PHF8: variants seen among roughly 807,000 people sequenced by gnomAD.
PHF8 encodes the protein PHD finger protein 8.
In PHF8, 9 loss-of-function variants were observed where a neutral mutation model predicts 74.4. That is an observed-to-expected ratio of 0.12 (90% CI 0.07 to 0.21). The LOEUF (loss-of-function observed/expected upper bound fraction) is 0.21. Among genes scored for constraint, PHF8 ranks in the 10% least tolerant of loss-of-function variants. The pLI, the probability that PHF8 is intolerant of heterozygous loss-of-function variation, is 1.00. For missense variants in PHF8, 478 were observed against 816.6 expected (o/e 0.59, Z 5.05); for synonymous variants, 311 against 316.6 (o/e 0.98, Z 0.19).
chrX:54,018,792 G>A, intron 4 of PHF8, among the ~76,000 whole-genome samples: 1 of 110,242 alleles, frequency 9.1e-6, no homozygotes, highest in Non-Finnish European at 1.9e-5. Flanking sequence ...AGCTAATTTT[G>A]TATTTTTAGT....
intron 19 of PHF8, among the ~76,000 whole-genome samples, chrX:53,950,965 C>A (rs782128663): frequency 1.1e-3 from 128 of 112,273 alleles, no homozygotes; most frequent in African/African-American, 3.9e-3. Context: ...GTTGGAGTTA[C>A]TAGACAAGGA....
At chrX:53,989,170 G>T (rs60222332) in intron 14 of PHF8, among the ~76,000 whole-genome samples, 16 of 109,898 alleles carry the variant, frequency 1.5e-4, no homozygotes, top group Admixed American at 1.1e-3. Flanking sequence ...CGTCATGTTG[G>T]CCAGGCTGGT....
intron 10 of PHF8, among the ~76,000 whole-genome samples, chrX:54,000,264 G>A (rs947812805): frequency 8.9e-6 from 1 of 112,204 alleles, no homozygotes; most frequent in Non-Finnish European, 1.9e-5. Context: ...GCAAGTGCTA[G>A]AGCCATGACT....
At chrX:54,005,058 GAA>G (rs782744414) in intron 8 of PHF8, among the ~76,000 whole-genome samples, 6 of 111,660 alleles carry the variant, frequency 5.4e-5, no homozygotes, top group African/African-American at 1.9e-4. Context: ...TGAACAAAGA[GAA>G]AAAAGACACA....
intron 19 of PHF8, among the ~76,000 whole-genome samples, chrX:53,951,493 C>T (rs190833953): frequency 9.7e-4 from 108 of 110,965 alleles, no homozygotes; most frequent in Non-Finnish European, 1.5e-3. Flanking sequence ...CTCCATTACC[C>T]AGGCTGGAGT....
At chrX:53,978,037 C>T (rs1480166538) in intron 18 of PHF8, among the ~76,000 whole-genome samples, 2 of 106,578 alleles carry the variant, frequency 1.9e-5, no homozygotes, top group Non-Finnish European at 3.9e-5. Context: ...CCTCCACCTC[C>T]CAGGTTGAAG....
At chrX:53,995,371 C>A (rs903414828) in intron 12 of PHF8, among the ~76,000 whole-genome samples, 9 of 112,189 alleles carry the variant, frequency 8.0e-5, no homozygotes, top group African/African-American at 2.9e-4. Flanking sequence ...TTATTTAATC[C>A]TTTTAACAAT....
intron 18 of PHF8, among the ~76,000 whole-genome samples, chrX:53,975,736 T>C (rs2065363474): frequency 9.0e-6 from 1 of 111,025 alleles, no homozygotes; most frequent in African/African-American, 3.3e-5. Context: ...AAGCGGGGGA[T>C]GAAAAATAGT....
rs782553359 is a variant in PHF8 at position 53,987,073 on chromosome X, C to A, written c.1995+5G>T. On this transcript the variant is annotated splice_donor_5th_base_variant and intron_variant, in intron 16 of 21. Coordinates refer to ENST00000338154, the MANE Select transcript of PHF8 (RefSeq NM_015107.3). ...CAGAAGACTAGATCCAGGGCAGAAT[C>A]CTACCTCAATGTCAAACTCAACTTC... 1.8e-6 allele frequency: 2 copies of A among 1,142,388 alleles called. No individual in the cohort carries two copies. Among genetic ancestry groups the A allele is most frequent in the Non-Finnish European group, 2.4e-6 (2 of 832,240 alleles). 94.1% of individuals were successfully genotyped at this position (1,142,388 alleles called of 1,213,427 possible). A position where few individuals can be genotyped will look rare whatever the true frequency, so the allele number is the denominator to read the frequency against.
chrX:54,028,678 T>C (rs1603341567), intron 2 of PHF8, among the ~76,000 whole-genome samples: 1 of 111,955 alleles, frequency 8.9e-6, no homozygotes. Flanking sequence ...TCCTTCTGTC[T>C]GTCACCTAAA....
intron 8 of PHF8, among the ~76,000 whole-genome samples, chrX:54,004,386 C>T (rs1038157656): frequency 1.8e-5 from 2 of 110,768 alleles, no homozygotes; most frequent in Non-Finnish European, 3.8e-5. Context: ...CCAATGAAAT[C>T]GTATCAATAA....
chrX:54,001,340 A>T (rs1453572967), intron 10 of PHF8, among the ~76,000 whole-genome samples: 4 of 104,183 alleles, frequency 3.8e-5, no homozygotes, highest in Admixed American at 1.0e-4. Context: ...AAAGAAAAAG[A>T]AAAAAAAAAA....
intron 14 of PHF8, among the ~76,000 whole-genome samples, chrX:53,992,421 C>G (rs1457795147): frequency 8.9e-6 from 1 of 111,760 alleles, no homozygotes; most frequent in Non-Finnish European, 1.9e-5. Context: ...ATAGAAAAAA[C>G]TAATGCTTTT....
intron 2 of PHF8, among the ~76,000 whole-genome samples, chrX:54,039,257 T>C (rs1163917406): frequency 1.9e-4 from 21 of 111,272 alleles, no homozygotes; most frequent in African/African-American, 3.3e-5. Context: ...GTCCACAGTA[T>C]GTAGTAATTT....
chrX:53,987,309 C>T (rs2065581161), intron 15 of PHF8, 146 bp from the exon 16 acceptor site: 3 of 468,530 alleles, frequency 6.4e-6, no homozygotes, highest in Non-Finnish European at 7.5e-6. Context: ...ATAAATAAAT[C>T]TTTAGAACAA....
intron 18 of PHF8, among the ~76,000 whole-genome samples, chrX:53,973,325 A>G (rs1603307642): frequency 8.9e-6 from 1 of 112,109 alleles, no homozygotes; most frequent in East Asian, 2.8e-4. Flanking sequence ...ATGAAAAAAG[A>G]GCCCAAATAG....
At chrX:53,967,387 C>T (rs1317143491) in intron 18 of PHF8, among the ~76,000 whole-genome samples, 1 of 106,261 alleles carries the variant, frequency 9.4e-6, no homozygotes, top group African/African-American at 3.5e-5. Flanking sequence ...CCCCGCCCGG[C>T]CAGCCGCCCC....
chrX:53,941,328 C>T lies in PHF8; in HGVS notation c.2650-812G>A, dbSNP rs1475666059. ...ATTCTATCTTCATCTCTTATAATGG[C>T]TTCACTTCCTCTTGCTGGTCTTTTT... On this transcript the variant is annotated intron_variant, in intron 20 of 21. Coordinates refer to ENST00000338154, the MANE Select transcript of PHF8 (RefSeq NM_015107.3). Among the ~76,000 whole-genome samples the T allele has an allele frequency of 1.8e-4, 20 of 112,327 alleles. No homozygotes were observed. In the Admixed American group the frequency reaches 1.9e-3, roughly 11 times the overall value.
chrX:54,002,360 C>G, intron 9 of PHF8, 99 bp from the exon 10 acceptor site: 1 of 588,503 alleles, frequency 1.7e-6, no homozygotes, highest in Non-Finnish European at 2.9e-6. Context: ...CTCTAATCCT[C>G]AAAATGACTC....
Sources: allele counts gnomAD v4.1 joint callset (sites outside exome capture counted in the v4.1 genomes callset), GRCh38; gene constraint gnomAD v4.1.1; transcripts MANE v1.5; gene names NCBI Gene and HGNC (gene_info 2026-07-23, HGNC 2026-07-21).